Variants in FRMD1 observed in about 807,000 individuals in gnomAD.
The protein encoded by FRMD1 is FERM domain-containing protein 1.
Under a neutral mutation model 54.9 loss-of-function variants are expected in FRMD1, and 51 were observed. The ratio of observed to expected loss-of-function variants is 0.93; its 90% CI spans 0.74 to 1.17. The LOEUF (loss-of-function observed/expected upper bound fraction) is 1.17. Among genes scored for constraint, FRMD1 ranks in the 50% most tolerant of loss-of-function variants. The pLI is 0.00. For synonymous variants in FRMD1, 324 were observed against 306.4 expected (o/e 1.06, Z -0.60); for missense variants, 729 against 743.0 (o/e 0.98, Z 0.22).
intron 5 of FRMD1, 65 bp from the exon 6 acceptor site, chr6:168,063,821 C>A: frequency 6.6e-7 from 1 of 1,506,964 alleles, no homozygotes; most frequent in Non-Finnish European, 8.9e-7. Context: ...TTGCCAGCCC[C>A]CTGCTCCGAG....
intron 1 of FRMD1, among the ~76,000 whole-genome samples, chr6:168,076,142 G>A (rs538073039): frequency 6.6e-6 from 1 of 152,280 alleles, no homozygotes; most frequent in South Asian, 2.1e-4. Flanking sequence ...ATCGCAGGGC[G>A]CCAAGCCTGT....
Position 168,075,230 on chromosome 6 carries a change from C to CT in FRMD1, c.304+14dup, listed in dbSNP as rs1800527360. On this transcript the variant is annotated intron_variant, in intron 2 of 10. Coordinates refer to ENST00000283309, the MANE Select transcript of FRMD1 (RefSeq NM_024919.6). ...CCCTGGGCATTCCTGCAGGTGGGGA[C>CT]TGAGCGATGCTTACTTCTGACCACA... The CT allele has an allele frequency of 6.2e-7, 1 of 1,611,600 alleles. No homozygotes were observed. The highest frequency in any genetic ancestry group is 1.3e-5 in the African/African-American group (1 of 74,884).
chr6:168,087,658 G>T (rs768095151), intron 1 of FRMD1, among the ~76,000 whole-genome samples: 3 of 152,350 alleles, frequency 2.0e-5, no homozygotes, highest in South Asian at 2.1e-4. Flanking sequence ...AGATGCACGG[G>T]CTGGCGTGTG....
intron 6 of FRMD1, 26 bp downstream of exon 6, chr6:168,063,546 GCATCCCTGGCCTGGAGTCAGAGTCCAGCC>G (rs1263776115): frequency 6.5e-7 from 1 of 1,527,338 alleles, no homozygotes; most frequent in Non-Finnish European, 8.8e-7. Context: ...GGGGCTCCGT[GCATCCCTGGCCTGGAGTCAGAGTCCAGCC>G]CATCGCTGGC....
rs1210498192 is a variant in FRMD1 at position 168,075,896 on chromosome 6, CGTGTCCACATTTCCGGTGCCCG to C, written c.214-583_214-562del. On this transcript the variant is annotated intron_variant, in intron 1 of 10. Coordinates refer to ENST00000283309, the MANE Select transcript of FRMD1 (RefSeq NM_024919.6). Reference sequence around the variant, plus strand: ...CCCGGTGTCCACATTTCCGGCGTCCCGTGTCCACATTTCCGGTGCCCGGTGTCCACATTTCCGGTGCCCGGTG... The same window carrying C: ...CCCGGTGTCCACATTTCCGGCGTCCCGTGTCCACATTTCCGGTGCCCGGTG... The C allele has an allele frequency of 2.3e-4, 145 of 624,706 alleles. 21 individuals carry two copies. Among genetic ancestry groups the C allele is most frequent in the African/African-American group, 1.3e-3 (70 of 52,422 alleles). 38.7% of individuals were successfully genotyped at this position (624,706 alleles called of 1,614,324 possible).
At chr6:168,067,192 AC>A (rs1583185274) in intron 3 of FRMD1, 174 bp downstream of exon 3, 1 of 672,188 alleles carries the variant, frequency 1.5e-6, no homozygotes, top group Non-Finnish European at 2.7e-6. Flanking sequence ...GCCCTCTCCC[AC>A]CCCACGCATC....
chr6:168,066,234 C>A, intron 4 of FRMD1: 1 of 988,050 alleles, frequency 1.0e-6, no homozygotes, highest in Non-Finnish European at 1.2e-6. Context: ...CACGGTGGCT[C>A]ACACCTGTAA....
intron 2 of FRMD1, among the ~76,000 whole-genome samples, chr6:168,073,367 G>A (rs1800404892): frequency 6.6e-6 from 1 of 152,212 alleles, no homozygotes; most frequent in African/African-American, 2.4e-5. Context: ...GGGGCTCATG[G>A]TGTCCACTCA....
At chr6:168,058,809 G>C (rs1199604558) in intron 10 of FRMD1, among the ~76,000 whole-genome samples, 1 of 152,140 alleles carries the variant, frequency 6.6e-6, no homozygotes, top group Non-Finnish European at 1.5e-5. Flanking sequence ...AGGTTGCAGG[G>C]CCCAGGTGTC....
chr6:168,092,923 T>C (rs1801037692), intron 1 of FRMD1: 1 of 152,164 alleles, frequency 6.6e-6, no homozygotes, highest in African/African-American at 2.4e-5. Flanking sequence ...CATAAAGACA[T>C]GCCCGGGAAT....
chr6:168,089,708 G>A (rs1283456011), intron 1 of FRMD1, among the ~76,000 whole-genome samples: 2 of 152,214 alleles, frequency 1.3e-5, no homozygotes, highest in Admixed American at 6.5e-5. Flanking sequence ...GCCGCCCAGC[G>A]GGGAGCGGAA....
At chr6:168,081,578 C>A, upstream of FRMD1, 1 of 1,411,664 alleles carries the variant, frequency 7.1e-7, no homozygotes, top group South Asian at 1.5e-5. Context: ...TGAGAACATT[C>A]TAGAACTCAA....
intron 7 of FRMD1, 127 bp from the exon 8 acceptor site, chr6:168,062,108 A>G: frequency 1.0e-6 from 1 of 973,756 alleles, no homozygotes; most frequent in Non-Finnish European, 1.5e-6. Context: ...TTCGCAGTGC[A>G]GATGGCTGTT....
At position 168,063,552 on chromosome 6, in the gene FRMD1, C is replaced by T. The variant is rs551032536; in HGVS notation, c.804+49G>A. ...TCAGCCATGGGGGCTCCGTGCATCC[C>T]TGGCCTGGAGTCAGAGTCCAGCCCA... is the stretch of plus-strand genomic sequence containing the variant. On this transcript the variant is annotated intron_variant, in intron 6 of 10. Coordinates refer to ENST00000283309, the MANE Select transcript of FRMD1 (RefSeq NM_024919.6). The T allele has an allele frequency of 9.0e-6, 14 of 1,549,336 alleles. No individual in the cohort carries two copies. In the African/African-American group the frequency reaches 1.4e-4, roughly 15 times the overall value.
Position 168,057,149 on chromosome 6 carries a change from C to T in FRMD1, c.1598G>A (p.Cys533Tyr), listed in dbSNP as rs146364481. ...ATLPSKRSSN[C>Y]LALDLFGEAP... is the part of the protein sequence containing the mutation. ...CTCTCCGAACAGGTCCAGGGCGAGA[C>T]AGTTGCTGGACCTCTTGCTGGGGAG... Residue 533 changes from cysteine (C) to tyrosine (Y), a missense_variant, in exon 11 of 11, where the codon TGT becomes TAT. Physicochemically the swap from Cys to Tyr is radical, Grantham distance 194. Transcript: ENST00000283309. 1.6e-5 allele frequency: 25 copies of T among 1,560,400 alleles called. No homozygotes were observed. Among genetic ancestry groups the T allele is most frequent in the Admixed American group, 5.4e-5 (3 of 55,068 alleles).
At chr6:168,065,394 C>G in intron 4 of FRMD1, 1 of 1,069,300 alleles carries the variant, frequency 9.4e-7, no homozygotes, top group South Asian at 4.0e-5. Flanking sequence ...CGACTCGAAT[C>G]CCTGGAGGTG....
Position 168,065,010 on chromosome 6 carries a change from A to T in FRMD1, c.509T>A (p.Val170Glu), listed in dbSNP as rs1799956098. The T allele has an allele frequency of 3.1e-6, 5 of 1,611,504 alleles. No individual in the cohort carries two copies. The South Asian group carries it at 4.4e-5, about 14-fold the overall frequency. ...CCGGTGAGCGCACTGTGACCTCAGC[A>T]CGCGCTCCTTCAAGTGGCAGTAGTA... ...HLYYCHLKER[V>E]LRSQCAHREE... is the part of the protein sequence containing the mutation. Residue 170 changes from valine to glutamate, a missense_variant, in exon 5 of 11, where the codon GTG (valine) becomes GAG (glutamate). Coordinates refer to ENST00000283309, the MANE Select transcript of FRMD1 (RefSeq NM_024919.6).
At chr6:168,092,274 A>C (rs1364234499) in intron 1 of FRMD1, among the ~76,000 whole-genome samples, 1 of 152,184 alleles carries the variant, frequency 6.6e-6, no homozygotes, top group Non-Finnish European at 1.5e-5. Flanking sequence ...GTGCATCTCC[A>C]GGACTTTGCA....
chr6:168,070,128 G>A (rs1210981760), intron 2 of FRMD1, among the ~76,000 whole-genome samples: 1 of 151,934 alleles, frequency 6.6e-6, no homozygotes, highest in Non-Finnish European at 1.5e-5. Flanking sequence ...GGAGGCTGAC[G>A]CCAGAGGATC....
Sources: allele counts gnomAD v4.1 joint callset (sites outside exome capture counted in the v4.1 genomes callset), GRCh38; gene constraint gnomAD v4.1.1; transcripts MANE v1.5; gene names NCBI Gene and HGNC (gene_info 2026-07-23, HGNC 2026-07-21).